The following VWF variants were observed in gnomAD, a reference collection of about 807,000 sequenced individuals.
The protein encoded by VWF is von Willebrand factor.
In VWF, 176 loss-of-function variants were observed where a neutral mutation model predicts 308.6. The ratio of observed to expected loss-of-function variants is 0.57; its 90% CI spans 0.50 to 0.65. The LOEUF is 0.65. VWF is among the 30% of genes least tolerant of loss of function. The probability of loss-of-function intolerance (pLI) is 0.00; values close to 1 mark genes in which losing one functional copy is unlikely to be tolerated. For synonymous variants in VWF, 1,385 were observed against 1,443.4 expected (o/e 0.96, Z 0.92); for missense variants, 3,146 against 3,648.2 (o/e 0.86, Z 3.55).
chr12:6,077,547 T>G (rs1300237130), intron 6 of VWF, among the ~76,000 whole-genome samples: 8 of 152,190 alleles, frequency 5.3e-5, no homozygotes, highest in Non-Finnish European at 8.8e-5. Flanking sequence ...TGCCACTTAC[T>G]GGCGGTGGGG....
Position 6,019,728 on chromosome 12 carries a change from G to A in VWF, c.3690C>T (p.Val1230=). The part of the protein sequence containing the change: ...EHCQICHCDV[V]NLTCEACQEP... ...CCTGGCAGGCTTCACAGGTGAGGTT[G>A]ACAACATCACAGTGGCTGCAGAAAA... is the stretch of plus-strand genomic sequence containing the variant. The change falls in exon 28 of 52, where the codon GTC becomes GTT. Residue 1230 remains valine (V), a synonymous_variant. Coordinates refer to ENST00000261405, the MANE Select transcript of VWF (RefSeq NM_000552.5). The surrounding 1 kb of genome is among the most constrained non-coding windows in gnomAD (Gnocchi z 5.8). 6.2e-7 allele frequency: 1 copy of A among 1,613,154 alleles called. No individual in the cohort carries two copies. The highest frequency in any genetic ancestry group is 8.5e-7 in the Non-Finnish European group (1 of 1,179,558).
At chr12:6,081,655 A>C (rs1361630024) in intron 6 of VWF, among the ~76,000 whole-genome samples, 2 of 152,066 alleles carry the variant, frequency 1.3e-5, no homozygotes, top group African/African-American at 4.8e-5. Flanking sequence ...GTGGTTCTTA[A>C]GGTGAGGTCC....
rs1162704340 is a variant in VWF at position 6,016,097 on chromosome 12, C to G, written c.5447G>C (p.Arg1816Thr). 3 of 1,614,150 alleles carry G rather than the reference C, an allele frequency of 1.9e-6. No homozygotes were observed. Among genetic ancestry groups the G allele is most frequent in the Non-Finnish European group, 2.5e-6 (3 of 1,180,006 alleles). ...DSVDAAADAA[R>T]SNRVTVFPIG... The stretch of plus-strand genomic sequence containing the variant: ...GTACACCAGATTCTTACTGTTGGAC[C>G]TGGCGGCATCAGCTGCTGCATCCAC... The change falls in exon 31 of 52, where the codon AGG becomes ACG. Residue 1816 changes from arginine (R) to threonine (T), a missense_variant. Physicochemically the swap from Arg to Thr is moderately conservative, Grantham distance 71 (BLOSUM62 -1). Transcript: ENST00000261405.
chr12:6,123,271 C>T (rs780339411), intron 1 of VWF, 75 bp from the exon 2 acceptor site: 132 of 1,503,540 alleles, frequency 8.8e-5, no homozygotes, highest in Non-Finnish European at 8.3e-5. Flanking sequence ...ACTATCAGGG[C>T]ATGCAGTAGC....
intron 10 of VWF, among the ~76,000 whole-genome samples, chr12:6,067,877 T>C (rs536194366): frequency 5.3e-5 from 8 of 152,068 alleles, no homozygotes; most frequent in Admixed American, 2.0e-4. Flanking sequence ...CTCATGCCTA[T>C]AATCCCAGCA....
Position 5,952,527 on chromosome 12 carries a change from G to A in VWF, c.7987-8C>T. On this transcript the variant is annotated splice_region_variant and splice_polypyrimidine_tract_variant and intron_variant, in intron 48 of 51. Transcript: ENST00000261405. ...CTGGAGCGTCTCATCACGCTGGAAG[G>A]AAAGAGGAGTGGGTAAAGTCAGAGA... 6.2e-7 allele frequency: 1 copy of A among 1,613,288 alleles called. No homozygotes were observed. The highest frequency in any genetic ancestry group is 8.5e-7 in the Non-Finnish European group (1 of 1,179,496).
chr12:6,021,815 T>A, intron 27 of VWF, 85 bp downstream of exon 27: 1 of 1,574,586 alleles, frequency 6.4e-7, no homozygotes, highest in East Asian at 2.2e-5. Context: ...TGGCTAGGAC[T>A]TTTTACCCAA....
chr12:6,005,609 T>C (rs1214832279), intron 34 of VWF, among the ~76,000 whole-genome samples: 1 of 152,138 alleles, frequency 6.6e-6, no homozygotes, highest in African/African-American at 2.4e-5. Context: ...AAACAGAATT[T>C]TGAAAGCAGC....
At chr12:6,005,405 A>G (rs1448826759) in intron 34 of VWF, among the ~76,000 whole-genome samples, 1 of 152,194 alleles carries the variant, frequency 6.6e-6, no homozygotes, top group African/African-American at 2.4e-5. Flanking sequence ...TATATCACAG[A>G]TAATGAGCTA....
chr12:6,061,879 G>A (rs1368298285), intron 13 of VWF, among the ~76,000 whole-genome samples: 1 of 152,212 alleles, frequency 6.6e-6, no homozygotes, highest in Admixed American at 6.5e-5. Context: ...ATTGAATGCA[G>A]CAGTAGATAT....
At chr12:6,089,287 G>A (rs1945006348) in intron 6 of VWF, among the ~76,000 whole-genome samples, 1 of 152,214 alleles carries the variant, frequency 6.6e-6, no homozygotes, top group African/African-American at 2.4e-5. Flanking sequence ...CTGATTGGCT[G>A]AGGACAAAGC....
intron 20 of VWF, among the ~76,000 whole-genome samples, chr12:6,032,499 G>A (rs11614724): frequency 0.24 from 35,965 of 149,714 alleles, 4,633 homozygotes; most frequent in African/African-American, 0.29. Flanking sequence ...TTAGCCGGGC[G>A]TGGTGGCGGG....
At chr12:5,982,519 G>A (rs549071588) in intron 41 of VWF, among the ~76,000 whole-genome samples, 9 of 152,278 alleles carry the variant, frequency 5.9e-5, no homozygotes, top group Non-Finnish European at 1.2e-4. Context: ...TCCTGTCCCT[G>A]TGTCCTTTGC....
chr12:5,991,025 G>A (rs1202873889), intron 38 of VWF, among the ~76,000 whole-genome samples: 1 of 151,732 alleles, frequency 6.6e-6, no homozygotes, highest in Non-Finnish European at 1.5e-5. Flanking sequence ...CAAATTCTGA[G>A]ATCAACTCCA....
intron 6 of VWF, among the ~76,000 whole-genome samples, chr12:6,080,499 G>C (rs955567977): frequency 1.8e-4 from 28 of 152,250 alleles, no homozygotes; most frequent in Admixed American, 3.9e-4. Context: ...ACAGAAGGCA[G>C]TCTGCACAGG....
chr12:6,040,867 G>A (rs181168592), intron 18 of VWF, among the ~76,000 whole-genome samples: 5 of 152,266 alleles, frequency 3.3e-5, no homozygotes, highest in Admixed American at 3.3e-4. Flanking sequence ...CTCTGCCCCC[G>A]CCAATATTTT....
At chr12:6,018,060 A>AT (rs67479635) in intron 28 of VWF, among the ~76,000 whole-genome samples, 9,113 of 146,432 alleles carry the variant, frequency 0.062, 873 homozygotes, top group African/African-American at 0.21. Context: ...TAAGACTTGC[A>AT]TTTTTTTTTT....
In VWF at chr12:6,015,465, G is replaced by A. The variant is rs757194443; in HGVS notation, c.5455+624C>T. ...GATGAACAGTTCTCCAGGTGGCCAC[G>A]AGGGGACTCAATGTCACTCCACTCA... On this transcript the variant is annotated intron_variant, in intron 31 of 51. Transcript: ENST00000261405. Among the ~76,000 whole-genome samples the A allele has an allele frequency of 5.9e-5, 9 of 151,860 alleles. No homozygotes were observed. In the East Asian group the frequency reaches 1.2e-3, roughly 20 times the overall value.
chr12:6,090,614 C>G (rs1166056346), intron 6 of VWF, among the ~76,000 whole-genome samples: 1 of 98,292 alleles, frequency 1.0e-5, no homozygotes. Flanking sequence ...TCCTCCTCCT[C>G]CTCCTCCTCC....
Sources: gnomAD v4.1 joint callset for allele counts (sites outside exome capture counted in the v4.1 genomes callset) on GRCh38, gnomAD v4.1.1 for gene constraint, Gnocchi (gnomAD v3.1) non-coding constraint, MANE v1.5 for transcripts, NCBI Gene and HGNC (gene_info 2026-07-23, HGNC 2026-07-21) for gene names.